SNRPN: variants seen among roughly 807,000 people sequenced by gnomAD.
SNRPN encodes small nuclear ribonucleoprotein-associated protein N.
In SNRPN, 7 loss-of-function variants were observed where a neutral mutation model predicts 25.2. That is an observed-to-expected ratio of 0.28 (90% CI 0.16 to 0.52). The LOEUF (loss-of-function observed/expected upper bound fraction) is 0.52. Among genes scored for constraint, SNRPN ranks in the 20% least tolerant of loss-of-function variants. SNRPN has a pLI of 0.96. For synonymous variants in SNRPN, 124 were observed against 110.6 expected (o/e 1.12, Z -0.76); for missense variants, 196 against 322.5 (o/e 0.61, Z 3.00).
intron 2 of SNRPN, among the ~76,000 whole-genome samples, chr15:24,846,124 A>G (rs1037708091): frequency 6.6e-6 from 1 of 152,108 alleles, no homozygotes; most frequent in Non-Finnish European, 1.5e-5. Context: ...GAGCTTTCCA[A>G]TCCATTAAAT....
chr15:24,911,474 G>T (rs904940485), intron 2 of SNRPN, among the ~76,000 whole-genome samples: 5 of 152,138 alleles, frequency 3.3e-5, no homozygotes, highest in African/African-American at 7.2e-5. Context: ...GATGCCTGTG[G>T]GAACTTGGGG....
At chr15:24,906,373 T>G (rs2058806458) in intron 2 of SNRPN, among the ~76,000 whole-genome samples, 1 of 152,162 alleles carries the variant, frequency 6.6e-6, no homozygotes, top group South Asian at 2.1e-4. Context: ...GCTCAACTGA[T>G]TCACCCACCT....
At chr15:24,897,840 C>T (rs1439111320) in intron 2 of SNRPN, among the ~76,000 whole-genome samples, 1 of 152,158 alleles carries the variant, frequency 6.6e-6, no homozygotes, top group African/African-American at 2.4e-5. Context: ...GCTTCCTAGC[C>T]ATGTGGAACT....
In SNRPN at chr15:24,961,549, TTTTG is replaced by T. The variant is rs374876404; in HGVS notation, c.-390-549_-390-546del. On this transcript the variant is annotated intron_variant, in intron 1 of 9. Transcript: ENST00000390687. ...TTCTGCAGACGTAACATGGCGGGTT[TTTTG>T]TTTGTTTGTTTGTTTTTGCTATGTG... Among the ~76,000 whole-genome samples, 10 of 152,236 alleles carry T rather than the reference TTTTG, an allele frequency of 6.6e-5. 1 individual carries two copies. The highest frequency in any genetic ancestry group is 6.8e-3 in the Middle Eastern group (2 of 294).
At chr15:24,838,073 C>T (rs528721412) in intron 2 of SNRPN, among the ~76,000 whole-genome samples, 3 of 144,128 alleles carry the variant, frequency 2.1e-5, no homozygotes, top group African/African-American at 7.7e-5. Context: ...CTCGCTCTGT[C>T]GCCTAGGCTG....
At position 24,828,372 on chromosome 15, in the gene SNRPN, A is replaced by G. The variant is rs139794419; in HGVS notation, c.-686-1426A>G. Among the ~76,000 whole-genome samples, 397 of 152,216 alleles carry G rather than the reference A, an allele frequency of 2.6e-3. 6 individuals carry two copies. Among genetic ancestry groups the G allele is most frequent in the African/African-American group, 8.9e-3 (371 of 41,472 alleles). Reference sequence around the variant, plus strand: ...GGTGACAACAGAAGATTTTATTACAAGATCACGCATGTGCCCTCAATAACG... The same window carrying G: ...GGTGACAACAGAAGATTTTATTACAGGATCACGCATGTGCCCTCAATAACG... On this transcript the variant is annotated intron_variant, in intron 1 of 12. Transcript: ENST00000400100.
At chr15:24,898,751 G>C (rs190339094) in intron 2 of SNRPN, among the ~76,000 whole-genome samples, 1 of 152,174 alleles carries the variant, frequency 6.6e-6, no homozygotes, top group African/African-American at 2.4e-5. Flanking sequence ...TTTTCTGTTG[G>C]GGTGATCGGA....
chr15:24,883,509 C>A (rs1436221981), intron 1 of SNRPN, among the ~76,000 whole-genome samples: 1 of 152,174 alleles, frequency 6.6e-6, no homozygotes, highest in Non-Finnish European at 1.5e-5. Flanking sequence ...GCACTCCAAC[C>A]TCTGTCCCTG....
intron 2 of SNRPN, among the ~76,000 whole-genome samples, chr15:24,903,780 T>A (rs2058615314): frequency 6.6e-6 from 1 of 152,144 alleles, no homozygotes; most frequent in Non-Finnish European, 1.5e-5. Context: ...ACACTTGTAA[T>A]CCCATCACTT....
intron 1 of SNRPN, among the ~76,000 whole-genome samples, chr15:24,871,786 G>A (rs1041387840): frequency 1.4e-5 from 2 of 145,658 alleles, no homozygotes; most frequent in Non-Finnish European, 3.0e-5. Context: ...CTCACTGCAA[G>A]CTCCGCCTCC....
At chr15:24,826,811 C>T (rs184428484) in intron 1 of SNRPN, among the ~76,000 whole-genome samples, 13 of 152,040 alleles carry the variant, frequency 8.6e-5, no homozygotes, top group South Asian at 2.1e-4. Context: ...ACTAGAGTCA[C>T]GCATTGACTA....
chr15:24,874,874 G>T (rs934138423), intron 1 of SNRPN, among the ~76,000 whole-genome samples: 1 of 152,160 alleles, frequency 6.6e-6, no homozygotes, highest in Admixed American at 6.5e-5. Flanking sequence ...TGAGTGACAG[G>T]AATTTTAGGA....
At chr15:24,849,971 C>G (rs1156273368) in intron 2 of SNRPN, 1 of 152,174 alleles carries the variant, frequency 6.6e-6, no homozygotes, top group Non-Finnish European at 1.5e-5. Flanking sequence ...AATTCCAATT[C>G]TGATTTTTCC....
In SNRPN at chr15:24,862,202, A is replaced by G. The variant is rs534967935; in HGVS notation, c.-579+5486A>G. ...ATGAAATATGAGAACAACATTGGAA[A>G]TATTTATCAAGGGAACCATATTAAT... is the stretch of plus-strand genomic sequence containing the variant. On this transcript the variant is annotated intron_variant, in intron 1 of 11. Transcript: ENST00000400097. Among the ~76,000 whole-genome samples the G allele has an allele frequency of 4.8e-4, 73 of 151,374 alleles. 6 individuals are homozygous for G. The highest frequency in any genetic ancestry group is 1.7e-3 in the African/African-American group (68 of 40,692).
intron 3 of SNRPN, among the ~76,000 whole-genome samples, chr15:24,940,903 G>A (rs771392451): frequency 9.9e-5 from 15 of 152,268 alleles, no homozygotes; most frequent in African/African-American, 1.4e-4. Flanking sequence ...GAAGAGTTGC[G>A]GTGTTAAGTG....
chr15:24,948,143 A>G (rs2062000155), intron 3 of SNRPN, among the ~76,000 whole-genome samples: 1 of 151,696 alleles, frequency 6.6e-6, no homozygotes, highest in Admixed American at 6.6e-5. Context: ...ATGGAGTCTC[A>G]CTCTGTCGCT....
At chr15:24,932,518 G>GCCC in intron 3 of SNRPN, among the ~76,000 whole-genome samples, 1 of 152,152 alleles carries the variant, frequency 6.6e-6, no homozygotes, top group Non-Finnish European at 1.5e-5. Flanking sequence ...CCAGGCATGA[G>GCCC]CCACTGTGCC....
rs369863226 is a variant in SNRPN, at chr15:24,844,583, G to A, written c.-579+14678G>A. ...TCTGTCACCCAGGCTGGAGTGCAAT[G>A]GCACAGTCTTGGCTCACTGCAACTT... is the stretch of plus-strand genomic sequence containing the variant. On this transcript the variant is annotated intron_variant, in intron 2 of 12. Coordinates refer to the SNRPN transcript ENST00000400100. 2.0e-3 allele frequency among the ~76,000 whole-genome samples: 301 copies of A among 152,126 alleles called. 1 individual carries two copies. Among genetic ancestry groups the A allele is most frequent in the African/African-American group, 6.5e-3 (268 of 41,514 alleles).
intron 2 of SNRPN, among the ~76,000 whole-genome samples, chr15:24,914,612 TC>T (rs1326419476): frequency 1.3e-5 from 2 of 152,104 alleles, no homozygotes; most frequent in Non-Finnish European, 2.9e-5. Context: ...TGGACACTTG[TC>T]CAGAGCAATC....
Sources: allele counts gnomAD v4.1 joint callset (sites outside exome capture counted in the v4.1 genomes callset), GRCh38; gene constraint gnomAD v4.1.1; transcripts MANE v1.5; gene names NCBI Gene and HGNC (gene_info 2026-07-23, HGNC 2026-07-21).